Variants in COL4A3 observed in about 807,000 individuals in gnomAD.
The protein encoded by COL4A3 is collagen type IV alpha 3 chain.
In COL4A3, 135 loss-of-function variants were observed where a neutral mutation model predicts 217.4. The observed-to-expected ratio is 0.62, with a 90% CI of 0.54 to 0.72. The LOEUF is 0.72. COL4A3 is among the 30% of genes least tolerant of loss of function. The probability of loss-of-function intolerance (pLI) is 0.00; values close to 1 mark genes in which losing one functional copy is unlikely to be tolerated. For missense variants in COL4A3, 1,868 were observed against 2,119.9 expected, an observed-to-expected ratio of 0.88 and a Z score of 2.33; for synonymous variants, 690 against 736.3, an observed-to-expected ratio of 0.94 and a Z score of 1.02.
chr2:227,266,894 T>A, intron 22 of COL4A3, 99 bp from the exon 23 acceptor site: 1 of 806,358 alleles, frequency 1.2e-6, no homozygotes. Flanking sequence ...TACATAAAAA[T>A]GTTTAAATGT....
rs762284017 is a variant in COL4A3, at chr2:227,304,018, G to A, written c.4028-1G>A. On this transcript the variant is annotated splice_acceptor_variant, in intron 45 of 51. Transcript: ENST00000396578. LOFTEE classifies it high-confidence loss of function. Reference sequence around the variant, plus strand: ...TCTTCTTCTTATGTTTATGTCAACAGGTGTACGTGGAGACCCTGGCACACT... The same window carrying A: ...TCTTCTTCTTATGTTTATGTCAACAAGTGTACGTGGAGACCCTGGCACACT... 1 of 1,614,192 alleles carries A rather than the reference G, an allele frequency of 6.2e-7. No individual in the cohort carries two copies. Among genetic ancestry groups the A allele is most frequent in the Admixed American group, 1.7e-5 (1 of 60,016 alleles).
chr2:227,219,474 G>C (rs1416268248), intron 1 of COL4A3, among the ~76,000 whole-genome samples: 1 of 152,062 alleles, frequency 6.6e-6, no homozygotes, highest in Non-Finnish European at 1.5e-5. Context: ...TTCCCCCTTG[G>C]CTTTCTTGTC....
chr2:227,311,380 C>CTTTTTTTTTTTT (rs11286889), intron 51 of COL4A3, among the ~76,000 whole-genome samples: 2 of 141,742 alleles, frequency 1.4e-5, no homozygotes, highest in Non-Finnish European at 1.6e-5. Context: ...AATTTCTCTC[C>CTTTTTTTTTTTT]TTTTTTTTTT....
intron 1 of COL4A3, among the ~76,000 whole-genome samples, chr2:227,232,023 G>T (rs2068435217): frequency 6.6e-6 from 1 of 151,878 alleles, no homozygotes; most frequent in African/African-American, 2.4e-5. Flanking sequence ...CAGTTGATTT[G>T]ATTTTTAGAT....
At chr2:227,201,617 A>C (rs2066689123) in intron 1 of COL4A3, among the ~76,000 whole-genome samples, 1 of 152,214 alleles carries the variant, frequency 6.6e-6, no homozygotes, top group African/African-American at 2.4e-5. Flanking sequence ...TAGAGAAACA[A>C]GTAGTTCATT....
chr2:227,276,289 G>C (rs1421411525), intron 26 of COL4A3, 96 bp from the exon 27 acceptor site: 2 of 905,914 alleles, frequency 2.2e-6, no homozygotes, highest in African/African-American at 3.3e-5. Context: ...ATTTTTTGGG[G>C]ATATGTTTAT....
intron 1 of COL4A3, among the ~76,000 whole-genome samples, chr2:227,218,043 C>G (rs1176247370): frequency 7.3e-6 from 1 of 137,126 alleles, no homozygotes; most frequent in Non-Finnish European, 1.6e-5. Context: ...ATAGTTATAA[C>G]TATATTTAAC....
At chr2:227,287,204 C>T (rs1253518537) in intron 34 of COL4A3, among the ~76,000 whole-genome samples, 2 of 151,486 alleles carry the variant, frequency 1.3e-5, no homozygotes, top group South Asian at 2.1e-4. Flanking sequence ...GAGGCCGAGG[C>T]GGGTGGATCA....
intron 1 of COL4A3, among the ~76,000 whole-genome samples, chr2:227,184,561 C>T (rs1027622999): frequency 4.6e-5 from 7 of 152,190 alleles, no homozygotes; most frequent in Non-Finnish European, 7.4e-5. Context: ...TGCTATGCTA[C>T]TACATTTTGG....
intron 38 of COL4A3, 73 bp from the exon 39 acceptor site, chr2:227,294,417 C>A: frequency 1.0e-6 from 1 of 992,162 alleles, no homozygotes; most frequent in Non-Finnish European, 1.6e-6. Context: ...TAAAAACAGA[C>A]CGTTTCAGTC....
chr2:227,266,953 A>G lies in COL4A3; in HGVS notation c.1409-40A>G, dbSNP rs752704798. On this transcript the variant is annotated intron_variant, in intron 22 of 51. Transcript: ENST00000396578. ...AATATTTGTTCTTTCTGAGGACTCA[A>G]TGTAGCTTTTTAAGTAATGCTAGTA... The G allele has an allele frequency of 8.8e-6, 12 of 1,360,448 alleles. No individual in the cohort carries two copies. In the African/African-American group the frequency reaches 1.0e-4, roughly 11 times the overall value. The allele number at this position is 1,360,448 out of a possible 1,614,324, so 84.3% of individuals were successfully genotyped here.
intron 3 of COL4A3, among the ~76,000 whole-genome samples, chr2:227,242,837 CA>C (rs2069108151): frequency 6.6e-6 from 1 of 152,160 alleles, no homozygotes; most frequent in South Asian, 2.1e-4. Flanking sequence ...ATGTAAAATG[CA>C]AAATCTTGCT....
At chr2:227,210,879 G>A (rs965824564) in intron 1 of COL4A3, among the ~76,000 whole-genome samples, 5 of 150,674 alleles carry the variant, frequency 3.3e-5, no homozygotes, top group South Asian at 2.1e-4. Flanking sequence ...CCTGTTTGGG[G>A]GGAACTCTAT....
rs774434848 is a variant in COL4A3 at position 227,244,966 on chromosome 2, C to G, written c.295C>G (p.Pro99Ala). 6.2e-7 allele frequency: 1 copy of G among 1,612,638 alleles called. No homozygotes were observed. Among genetic ancestry groups the G allele is most frequent in the Non-Finnish European group, 8.5e-7 (1 of 1,179,440 alleles). ...ATGTCTTCAGGGAATAAGTGGATTG[C>G]CAGGATTTTCTGGTTCTCCTGGACT... is the stretch of plus-strand genomic sequence containing the variant. ...SKGVRGISGL[P>A]GFSGSPGLPG... The change falls in exon 5 of 52, where the codon CCA (proline) becomes GCA (alanine). Residue 99 changes from proline (P) to alanine (A), a missense_variant. Pro to Ala is a conservative substitution (Grantham distance 27, BLOSUM62 -1). This residue lies in a region of COL4A3 where 365 missense variants were observed against 333.8 expected (regional missense o/e 1.09). Coordinates refer to ENST00000396578, the MANE Select transcript of COL4A3 (RefSeq NM_000091.5).
intron 1 of COL4A3, among the ~76,000 whole-genome samples, chr2:227,200,542 C>T (rs1252411774): frequency 6.6e-6 from 1 of 152,178 alleles, no homozygotes; most frequent in African/African-American, 2.4e-5. Context: ...TTTTAGAAAA[C>T]AAGGAAGGCG....
Position 227,293,799 on chromosome 2 carries a change from C to A in COL4A3, c.3337+482C>A, listed in dbSNP as rs1458176158. The A allele has an allele frequency of 1.1e-5, 5 of 470,894 alleles. No homozygotes were observed. In the East Asian group the frequency reaches 2.8e-4, roughly 26 times the overall value. 29.2% of individuals were successfully genotyped at this position (470,894 alleles called of 1,614,324 possible). A position where few individuals can be genotyped will look rare whatever the true frequency, so the allele number is the denominator to read the frequency against. ...TCGGCAGCGTTGGTTTCTTGTGGGG[C>A]CCCTGTTCTTGGCTTGTGGATGGCT... is the stretch of plus-strand genomic sequence containing the variant. On this transcript the variant is annotated intron_variant, in intron 38 of 51. Transcript: ENST00000396578.
intron 1 of COL4A3, among the ~76,000 whole-genome samples, chr2:227,178,885 G>A (rs1416947600): frequency 2.6e-5 from 4 of 151,568 alleles, no homozygotes; most frequent in African/African-American, 9.7e-5. Flanking sequence ...TAGAGAAAGT[G>A]GGCTTATAAT....
intron 26 of COL4A3, among the ~76,000 whole-genome samples, chr2:227,273,595 T>C (rs2071372638): frequency 6.6e-6 from 1 of 152,150 alleles, no homozygotes; most frequent in Non-Finnish European, 1.5e-5. Context: ...TTATTTTTTG[T>C]AGAGACAGGA....
At chr2:227,244,845 G>A (rs577676663) in intron 4 of COL4A3, 106 bp from the exon 5 acceptor site, 2 of 1,178,992 alleles carry the variant, frequency 1.7e-6, no homozygotes, top group African/African-American at 1.5e-5. Context: ...CCCAGTTATA[G>A]TGGAGGAAAA....
Sources: allele counts gnomAD v4.1 joint callset (sites outside exome capture counted in the v4.1 genomes callset), GRCh38; gene constraint gnomAD v4.1.1; regional missense constraint gnomAD v4.1.1; transcripts MANE v1.5; gene names NCBI Gene and HGNC (gene_info 2026-07-23, HGNC 2026-07-21).